ASIC2: variants seen among roughly 807,000 people sequenced by gnomAD.
ASIC2 encodes acid sensing ion channel subunit 2.
ASIC2 carries 25 observed loss-of-function variants against 57.3 expected under a neutral mutation model. That is an observed-to-expected ratio of 0.44 (90% CI 0.32 to 0.61). The LOEUF (loss-of-function observed/expected upper bound fraction) is 0.61, where lower values mean the gene tolerates loss of function less well. ASIC2 is among the 20% of genes least tolerant of loss of function. The pLI is 0.06. For missense variants in ASIC2, 641 were observed against 738.1 expected (o/e 0.87, Z 1.52); for synonymous variants, 319 against 307.5 (o/e 1.04, Z -0.39).
At chr17:33,050,149 C>T (rs2091969767) in intron 3 of ASIC2, among the ~76,000 whole-genome samples, 1 of 152,144 alleles carries the variant, frequency 6.6e-6, no homozygotes, top group African/African-American at 2.4e-5. Context: ...CCTGCTGAGC[C>T]TTCTGCTGAG....
intron 1 of ASIC2, among the ~76,000 whole-genome samples, chr17:34,102,160 T>C (rs2142101353): frequency 6.6e-6 from 1 of 151,734 alleles, no homozygotes; most frequent in South Asian, 2.1e-4. Flanking sequence ...TGAAACCCTG[T>C]CTCTACTAAA....
At chr17:33,357,673 T>A (rs1238967215) in intron 1 of ASIC2, among the ~76,000 whole-genome samples, 1 of 152,206 alleles carries the variant, frequency 6.6e-6, no homozygotes, top group Non-Finnish European at 1.5e-5. Context: ...TGATGCTCGA[T>A]GGAATGTCAA....
chr17:34,073,407 G>A (rs1229957805), intron 1 of ASIC2, among the ~76,000 whole-genome samples: 1 of 152,210 alleles, frequency 6.6e-6, no homozygotes, highest in Non-Finnish European at 1.5e-5. Context: ...GTAGAGATAG[G>A]TTTTGTTACG....
At chr17:33,285,881 G>A (rs1905146246) in intron 1 of ASIC2, among the ~76,000 whole-genome samples, 1 of 152,186 alleles carries the variant, frequency 6.6e-6, no homozygotes, top group South Asian at 2.1e-4. Context: ...GCACATCACA[G>A]CTGCCCAATG....
intron 1 of ASIC2, among the ~76,000 whole-genome samples, chr17:33,140,931 T>C (rs2092385354): frequency 6.6e-6 from 1 of 152,208 alleles, no homozygotes. Flanking sequence ...CCACAAGACA[T>C]GGACACAGCA....
intron 1 of ASIC2, among the ~76,000 whole-genome samples, chr17:33,845,229 T>C (rs1406159747): frequency 1.3e-5 from 2 of 152,226 alleles, no homozygotes; most frequent in Non-Finnish European, 2.9e-5. Flanking sequence ...TCCAGTTATA[T>C]TGATTGGTTC....
At chr17:33,885,871 A>G (rs1330206264) in intron 1 of ASIC2, among the ~76,000 whole-genome samples, 1 of 152,142 alleles carries the variant, frequency 6.6e-6, no homozygotes, top group Admixed American at 6.6e-5. Context: ...GATGAACTGA[A>G]CTCAGTAGTG....
chr17:33,497,485 G>A (rs1490077330), intron 1 of ASIC2, among the ~76,000 whole-genome samples: 2 of 151,844 alleles, frequency 1.3e-5, no homozygotes, highest in Non-Finnish European at 1.5e-5. Flanking sequence ...GAAGGACCTC[G>A]AAGGAAAGAG....
chr17:33,180,104 G>A (rs1189118957), intron 1 of ASIC2, among the ~76,000 whole-genome samples: 1 of 152,168 alleles, frequency 6.6e-6, no homozygotes, highest in Admixed American at 6.5e-5. Flanking sequence ...CAACTGGAAA[G>A]GAATGGCCAG....
At chr17:34,033,146 G>C (rs1414949382) in intron 1 of ASIC2, among the ~76,000 whole-genome samples, 1 of 152,128 alleles carries the variant, frequency 6.6e-6, no homozygotes, top group Non-Finnish European at 1.5e-5. Context: ...TAAAAGAACA[G>C]AAATTATAAC....
chr17:33,816,178 C>T (rs529476729), intron 1 of ASIC2, among the ~76,000 whole-genome samples: 60 of 13,100 alleles, frequency 4.6e-3, no homozygotes, highest in East Asian at 4.5e-3. Flanking sequence ...GAAGGGGGGG[C>T]GGGTGGGGTA....
intron 1 of ASIC2, among the ~76,000 whole-genome samples, chr17:33,349,571 C>T: frequency 6.6e-6 from 1 of 152,222 alleles, no homozygotes; most frequent in East Asian, 1.9e-4. Flanking sequence ...CCCGAATGCC[C>T]TCCAGCTCCA....
At chr17:33,091,470 C>T (rs1263633630) in intron 2 of ASIC2, among the ~76,000 whole-genome samples, 3 of 152,102 alleles carry the variant, frequency 2.0e-5, no homozygotes, top group African/African-American at 7.3e-5. Context: ...TGCTATACAA[C>T]CAAGCTTAAG....
rs545984875 is a variant in ASIC2, at chr17:34,086,714, T to C, written c.555+69264A>G. ...TCACTCAGGACTTGCTTTATGAATC[T>C]GGGTGCTCCTGTATTGGGTGCGTAT... is the stretch of plus-strand genomic sequence containing the variant. On this transcript the variant is annotated intron_variant, in intron 1 of 9. Transcript: ENST00000359872. 2.0e-5 allele frequency among the ~76,000 whole-genome samples: 3 copies of C among 152,330 alleles called. No individual in the cohort carries two copies. In the South Asian group the frequency reaches 6.2e-4, roughly 32 times the overall value.
Position 33,025,792 on chromosome 17 carries a change from C to G in ASIC2, c.1195+134G>C, listed in dbSNP as rs568331320. 3 of 845,712 alleles carry G rather than the reference C, an allele frequency of 3.5e-6. No individual in the cohort carries two copies. The African/African-American group carries it at 5.3e-5, about 15-fold the overall frequency. 52.4% of individuals were successfully genotyped at this position (845,712 alleles called of 1,614,324 possible). On this transcript the variant is annotated intron_variant, in intron 5 of 9. Coordinates refer to ENST00000225823, the MANE Select transcript of ASIC2 (RefSeq NM_183377.2). ...TCTCCCATCCCTGCAGCAACTCCAC[C>G]CGACCAGCCCCTTTCTTCTCATCCT...
At chr17:33,644,836 G>A (rs979531708) in intron 1 of ASIC2, among the ~76,000 whole-genome samples, 3 of 152,166 alleles carry the variant, frequency 2.0e-5, no homozygotes, top group African/African-American at 7.2e-5. Flanking sequence ...AGATATTTGT[G>A]TGTTCATTGG....
chr17:34,030,394 T>C (rs1907551556), intron 1 of ASIC2, among the ~76,000 whole-genome samples: 1 of 152,214 alleles, frequency 6.6e-6, no homozygotes, highest in African/African-American at 2.4e-5. Flanking sequence ...GATGGCTGAA[T>C]AGGAACAGCT....
intron 1 of ASIC2, among the ~76,000 whole-genome samples, chr17:34,011,044 C>CACAT: frequency 6.7e-6 from 1 of 148,878 alleles, no homozygotes; most frequent in African/African-American, 2.6e-5. Context: ...CACACACACA[C>CACAT]ACACACACAC....
At chr17:33,702,007 G>A (rs937944982) in intron 1 of ASIC2, among the ~76,000 whole-genome samples, 2 of 152,192 alleles carry the variant, frequency 1.3e-5, no homozygotes, top group African/African-American at 4.8e-5. Flanking sequence ...GTGCCAGCTG[G>A]GTGGGGAAGG....
Sources: gnomAD v4.1 joint callset for allele counts (sites outside exome capture counted in the v4.1 genomes callset) on GRCh38, gnomAD v4.1.1 for gene constraint, MANE v1.5 for transcripts, NCBI Gene and HGNC (gene_info 2026-07-23, HGNC 2026-07-21) for gene names.